SGIP1: variants seen among roughly 807,000 people sequenced by gnomAD.
SGIP1 encodes the protein SH3GL interacting endocytic adaptor 1.
In SGIP1, 38 loss-of-function variants were observed where a neutral mutation model predicts 107.5. The ratio of observed to expected loss-of-function variants is 0.35; its 90% CI spans 0.27 to 0.46. The LOEUF is 0.46. SGIP1 is among the 20% of genes least tolerant of loss of function. The pLI, the probability that SGIP1 is intolerant of heterozygous loss-of-function variation, is 1.00. For missense variants in SGIP1, 929 were observed against 1,019.5 expected (o/e 0.91, Z 1.21); for synonymous variants, 365 against 366.1 (o/e 1.00, Z 0.03).
intron 7 of SGIP1, among the ~76,000 whole-genome samples, chr1:66,647,251 G>A (rs1411722828): frequency 6.6e-6 from 1 of 152,126 alleles, no homozygotes; most frequent in East Asian, 1.9e-4. Context: ...CCTTACCACT[G>A]CAAGTACTTC....
intron 18 of SGIP1, among the ~76,000 whole-genome samples, chr1:66,699,757 G>A (rs187100081): frequency 5.9e-5 from 9 of 152,220 alleles, no homozygotes; most frequent in Admixed American, 2.6e-4. Flanking sequence ...TCCCCACAGA[G>A]GTTATGTTCT....
chr1:66,662,068 G>T (rs1236085921), intron 8 of SGIP1, among the ~76,000 whole-genome samples: 3 of 152,122 alleles, frequency 2.0e-5, no homozygotes, highest in Non-Finnish European at 2.9e-5. Context: ...GTCGACCCAA[G>T]TTTAAATACA....
intron 14 of SGIP1, among the ~76,000 whole-genome samples, chr1:66,681,054 A>G (rs896750798): frequency 2.6e-5 from 4 of 152,252 alleles, no homozygotes; most frequent in Non-Finnish European, 5.9e-5. Context: ...GATAAATATC[A>G]CAGTTATGCT....
At chr1:66,683,590 T>C (rs1268336098) in intron 15 of SGIP1, among the ~76,000 whole-genome samples, 3 of 152,038 alleles carry the variant, frequency 2.0e-5, no homozygotes, top group Non-Finnish European at 4.4e-5. Context: ...GGAAAACTAT[T>C]CAAAATCAGC....
intron 5 of SGIP1, among the ~76,000 whole-genome samples, chr1:66,640,642 C>T (rs189479324): frequency 5.3e-5 from 8 of 152,144 alleles, no homozygotes; most frequent in Admixed American, 4.6e-4. Flanking sequence ...ATTACAAATG[C>T]GAAGCTAGAG....
At chr1:66,664,985 T>C (rs973353777) in intron 8 of SGIP1, among the ~76,000 whole-genome samples, 2 of 152,204 alleles carry the variant, frequency 1.3e-5, no homozygotes, top group African/African-American at 4.8e-5. Context: ...TTGTTGTTGT[T>C]TATCATACTT....
intron 1 of SGIP1, among the ~76,000 whole-genome samples, chr1:66,579,679 T>C (rs1389010718): frequency 2.6e-5 from 4 of 152,172 alleles, no homozygotes; most frequent in Admixed American, 6.5e-5. Flanking sequence ...CTTGTACCTA[T>C]ACTAATGGAA....
chr1:66,555,749 T>G (rs2058084543), intron 1 of SGIP1, among the ~76,000 whole-genome samples: 1 of 152,140 alleles, frequency 6.6e-6, no homozygotes, highest in Non-Finnish European at 1.5e-5. Context: ...ATCCTAGCTC[T>G]GGCCATATCT....
chr1:66,713,636 C>T (rs2093052503), intron 18 of SGIP1, among the ~76,000 whole-genome samples: 1 of 151,990 alleles, frequency 6.6e-6, no homozygotes, highest in Admixed American at 6.6e-5. Context: ...ATATTATAAT[C>T]CCCTTTTATA....
Position 66,750,539 on chromosome 1 carries a change from C to G in SGIP1, c.*7444C>G, listed in dbSNP as rs1360946482. Among the ~76,000 whole-genome samples the G allele has an allele frequency of 1.3e-5, 2 of 152,116 alleles. No individual in the cohort carries two copies. Among genetic ancestry groups the G allele is most frequent in the Non-Finnish European group, 2.9e-5 (2 of 68,024 alleles). ...CACTAAATTTCTTTTTAATCTTGTA[C>G]TAAGTACATAATTTCACAAAAATAC... On this transcript the variant is annotated 3_prime_UTR_variant, in exon 25 of 25. Transcript: ENST00000371037.
intron 23 of SGIP1, 67 bp downstream of exon 23, chr1:66,740,789 T>G (rs2094424699): frequency 2.0e-6 from 2 of 1,011,724 alleles, no homozygotes; most frequent in African/African-American, 3.2e-5. Context: ...ATTTGCCAAC[T>G]ATTACCCAAA....
At chr1:66,634,789 A>G (rs972218519) in intron 3 of SGIP1, among the ~76,000 whole-genome samples, 14 of 152,370 alleles carry the variant, frequency 9.2e-5, no homozygotes, top group African/African-American at 2.9e-4. Flanking sequence ...GTAATTGGAC[A>G]TTATTAGCCA....
At chr1:66,722,540 A>G (rs1396103571) in intron 19 of SGIP1, among the ~76,000 whole-genome samples, 1 of 152,156 alleles carries the variant, frequency 6.6e-6, no homozygotes, top group African/African-American at 2.4e-5. Context: ...TACTCACCTA[A>G]TATTTACAAA....
intron 1 of SGIP1, among the ~76,000 whole-genome samples, chr1:66,564,777 T>C (rs895821702): frequency 6.6e-6 from 1 of 151,944 alleles, no homozygotes; most frequent in Non-Finnish European, 1.5e-5. Context: ...ATCTGTGGGC[T>C]TTTAGGGTAG....
intron 1 of SGIP1, among the ~76,000 whole-genome samples, chr1:66,618,308 C>T (rs1010355442): frequency 2.6e-5 from 4 of 152,192 alleles, no homozygotes; most frequent in Non-Finnish European, 5.9e-5. Flanking sequence ...GGCTCCTTCT[C>T]CTCCTTCCCT....
chr1:66,613,428 C>A (rs1450680978), intron 1 of SGIP1, among the ~76,000 whole-genome samples: 5 of 152,210 alleles, frequency 3.3e-5, no homozygotes. Flanking sequence ...TTCTTGGGCT[C>A]AAGGAATACT....
intron 1 of SGIP1, among the ~76,000 whole-genome samples, chr1:66,562,233 A>G (rs576831819): frequency 6.1e-4 from 93 of 152,026 alleles, no homozygotes; most frequent in Non-Finnish European, 7.5e-4. Context: ...GGAGAGCGGC[A>G]ACTTCTAATC....
At chr1:66,561,541 C>T (rs757776199) in intron 1 of SGIP1, among the ~76,000 whole-genome samples, 2 of 151,984 alleles carry the variant, frequency 1.3e-5, no homozygotes, top group Non-Finnish European at 2.9e-5. Context: ...AGTATTCAAT[C>T]GAAATTAGAG....
At position 66,695,276 on chromosome 1, in the gene SGIP1, A is replaced by G. The variant is rs192843891; in HGVS notation, c.1571-158A>G. On this transcript the variant is annotated intron_variant, in intron 17 of 24. Coordinates refer to ENST00000371037, the MANE Select transcript of SGIP1 (RefSeq NM_032291.4). ...GAACTAAAAAAAAAAAAAAAAGTGTAGATTGCCAGCCTTCCCTTTTTCCTG... is the reference window on the plus strand; with the variant it reads ...GAACTAAAAAAAAAAAAAAAAGTGTGGATTGCCAGCCTTCCCTTTTTCCTG... 50 of 1,325,022 alleles carry G rather than the reference A, an allele frequency of 3.8e-5. No homozygotes were observed. The East Asian group carries it at 1.3e-3, about 34-fold the overall frequency. The allele number at this position is 1,325,022 out of a possible 1,614,324, so 82.1% of individuals were successfully genotyped here. A position where few individuals can be genotyped will look rare whatever the true frequency, so the allele number is the denominator to read the frequency against.
Sources: gnomAD v4.1 joint callset for allele counts (sites outside exome capture counted in the v4.1 genomes callset) on GRCh38, gnomAD v4.1.1 for gene constraint, MANE v1.5 for transcripts, NCBI Gene and HGNC (gene_info 2026-07-23, HGNC 2026-07-21) for gene names.